Variants in RAB3IP observed in about 807,000 individuals in gnomAD.
RAB3IP encodes the protein RAB3A interacting protein.
In RAB3IP, 36 loss-of-function variants were observed where a neutral mutation model predicts 59.1. The observed-to-expected ratio is 0.61, with a 90% confidence interval of 0.47 to 0.80. The LOEUF (loss-of-function observed/expected upper bound fraction) is 0.80, where lower values mean the gene tolerates loss of function less well. RAB3IP is among the 30% of genes least tolerant of loss of function. The pLI, the probability that RAB3IP is intolerant of heterozygous loss-of-function variation, is 0.00. For synonymous variants in RAB3IP, 207 were observed against 191.2 expected, an observed-to-expected ratio of 1.08 and a Z score of -0.68; for missense variants, 511 against 536.0, an observed-to-expected ratio of 0.95 and a Z score of 0.46.
intron 1 of RAB3IP, among the ~76,000 whole-genome samples, chr12:69,748,927 G>A (rs200989647): frequency 2.0e-4 from 31 of 152,100 alleles, no homozygotes; most frequent in Non-Finnish European, 3.2e-4. Flanking sequence ...TTATGTGCTT[G>A]AAAAAGGGAT....
At chr12:69,766,071 A>C (rs182651902) in intron 3 of RAB3IP, among the ~76,000 whole-genome samples, 13 of 152,138 alleles carry the variant, frequency 8.5e-5, no homozygotes, top group Admixed American at 8.5e-4. Flanking sequence ...CTCAGCCTTT[A>C]AGTATTTTTG....
chr12:69,790,217 G>A (rs536514378), intron 4 of RAB3IP, among the ~76,000 whole-genome samples: 14 of 152,248 alleles, frequency 9.2e-5, no homozygotes, highest in African/African-American at 3.1e-4. Context: ...ATTTGATAGG[G>A]TTGCAGGATA....
chr12:69,751,620 C>A (rs1427835726), intron 1 of RAB3IP, among the ~76,000 whole-genome samples: 2 of 152,050 alleles, frequency 1.3e-5, no homozygotes, highest in African/African-American at 4.8e-5. Context: ...AACTTATTTG[C>A]TTCATCTTAT....
At chr12:69,801,339 A>G (rs915722283) in intron 7 of RAB3IP, among the ~76,000 whole-genome samples, 84 of 152,342 alleles carry the variant, frequency 5.5e-4, no homozygotes, top group African/African-American at 1.9e-3. Context: ...ATCGTGGGTA[A>G]GGAGTGAACA....
chr12:69,755,513 C>T lies in RAB3IP; in HGVS notation c.105C>T (p.Thr35=), dbSNP rs561301250. 3.7e-6 allele frequency: 6 copies of T among 1,614,000 alleles called. No individual in the cohort carries two copies. In the South Asian group the frequency reaches 5.5e-5, roughly 15 times the overall value. The change falls in exon 2 of 11, where the codon ACC becomes ACT. Residue 35 remains threonine, a synonymous_variant. Coordinates refer to ENST00000247833, the MANE Select transcript of RAB3IP (RefSeq NM_022456.5). ...AATCAGGAACTCAAGAGCAGACTAC[C>T]TCACCAAGTGTCATCTACCGGCCAC... ...VYESGTQEQT[T]SPSVIYRPHP... is the part of the protein sequence containing the mutation.
At chr12:69,783,416 A>G (rs975432695) in intron 3 of RAB3IP, among the ~76,000 whole-genome samples, 1 of 151,800 alleles carries the variant, frequency 6.6e-6, no homozygotes, top group Non-Finnish European at 1.5e-5. Context: ...TTCCCTCTTT[A>G]TATCTTATCC....
intron 1 of RAB3IP, among the ~76,000 whole-genome samples, chr12:69,751,709 T>C (rs1869333973): frequency 6.6e-6 from 1 of 152,194 alleles, no homozygotes; most frequent in Non-Finnish European, 1.5e-5. Context: ...TTTCACTTCC[T>C]TTTGCTTTTA....
chr12:69,788,693 A>G (rs11177849), intron 4 of RAB3IP, among the ~76,000 whole-genome samples: 11,889 of 152,164 alleles, frequency 0.078, 545 homozygotes, highest in South Asian at 0.13. Context: ...GCATAACGCT[A>G]TAGACCAAAT....
chr12:69,800,269 A>G lies in RAB3IP; in HGVS notation c.949A>G (p.Thr317Ala), dbSNP rs1020156911. The G allele has an allele frequency of 1.3e-6, 2 of 1,597,242 alleles. No individual in the cohort carries two copies. Among genetic ancestry groups the G allele is most frequent in the Admixed American group, 3.4e-5 (2 of 58,208 alleles). The change falls in exon 7 of 11, where the codon ACG becomes GCG. Residue 317 changes from threonine (T) to alanine (A), a missense_variant. Transcript: ENST00000247833. ...LWKDEPTMDR[T>A]CPFLDKIYQE... ...GAAGGATGAGCCCACAATGGACAGGACGTGTCCTTTCTTAGACAAAATCTA... is the reference window on the plus strand; with the variant it reads ...GAAGGATGAGCCCACAATGGACAGGGCGTGTCCTTTCTTAGACAAAATCTA...
chr12:69,742,781 C>T (rs1887477138), intron 1 of RAB3IP, among the ~76,000 whole-genome samples: 1 of 152,152 alleles, frequency 6.6e-6, no homozygotes. Flanking sequence ...TCTATTTTCC[C>T]TTCTGCTTTC....
chr12:69,813,469 G>A (rs1263549934), intron 10 of RAB3IP, among the ~76,000 whole-genome samples: 1 of 152,026 alleles, frequency 6.6e-6, no homozygotes, highest in East Asian at 1.9e-4. Context: ...TCTACTTTTT[G>A]CGTGTGAATT....
At chr12:69,810,542 G>T (rs1880277047) in intron 8 of RAB3IP, among the ~76,000 whole-genome samples, 1 of 152,176 alleles carries the variant, frequency 6.6e-6, no homozygotes, top group Admixed American at 6.5e-5. Flanking sequence ...AACTGGTTTA[G>T]GTTTTTGAAG....
At chr12:69,808,643 T>C (rs945009726) in intron 8 of RAB3IP, among the ~76,000 whole-genome samples, 1 of 152,242 alleles carries the variant, frequency 6.6e-6, no homozygotes, top group African/African-American at 2.4e-5. Flanking sequence ...AATTGATCCC[T>C]TTACCATTAT....
At chr12:69,788,949 C>A (rs936154557) in intron 4 of RAB3IP, among the ~76,000 whole-genome samples, 4 of 151,962 alleles carry the variant, frequency 2.6e-5, no homozygotes, top group Non-Finnish European at 5.9e-5. Flanking sequence ...TTTGAACAAC[C>A]TTTGAGTCAA....
At chr12:69,806,098 T>C (rs1455453055) in intron 8 of RAB3IP, among the ~76,000 whole-genome samples, 4 of 152,248 alleles carry the variant, frequency 2.6e-5, no homozygotes, top group African/African-American at 9.6e-5. Context: ...GTGCCTCTGG[T>C]AGAATTCGGC....
At chr12:69,768,344 G>T (rs975714928) in intron 3 of RAB3IP, among the ~76,000 whole-genome samples, 8 of 152,230 alleles carry the variant, frequency 5.3e-5, no homozygotes, top group Non-Finnish European at 8.8e-5. Context: ...GCCTGGATAT[G>T]GAGTGGAGAG....
intron 8 of RAB3IP, among the ~76,000 whole-genome samples, chr12:69,803,446 G>C (rs918773163): frequency 5.9e-5 from 9 of 151,802 alleles, no homozygotes; most frequent in Non-Finnish European, 1.2e-4. Flanking sequence ...ACTATGATTA[G>C]GTACTCTTCT....
intron 6 of RAB3IP, chr12:69,796,789 G>A (rs1877496205): frequency 4.6e-6 from 2 of 436,440 alleles, no homozygotes; most frequent in Non-Finnish European, 4.0e-6. Context: ...TAATTGCCTG[G>A]TACAACTTGT....
chr12:69,800,123 T>A (rs1592593462), intron 6 of RAB3IP, 86 bp from the exon 7 acceptor site: 3 of 1,005,184 alleles, frequency 3.0e-6, no homozygotes, highest in Non-Finnish European at 4.1e-6. Context: ...TTTTCAGTGA[T>A]GTTTAAATTA....
Sources: gnomAD v4.1 joint callset for allele counts (sites outside exome capture counted in the v4.1 genomes callset) on GRCh38, gnomAD v4.1.1 for gene constraint, MANE v1.5 for transcripts, NCBI Gene and HGNC (gene_info 2026-07-23, HGNC 2026-07-21) for gene names.